The following GALNT13 variants were observed in gnomAD, a reference collection of about 807,000 sequenced individuals.
The protein encoded by GALNT13 is UDP-GalNAc:polypeptide N-acetylgalactosaminyltransferase 13.
Under a neutral mutation model 64.2 loss-of-function variants are expected in GALNT13, and 28 were observed. That is an observed-to-expected ratio of 0.44 (90% CI 0.32 to 0.60). The LOEUF (loss-of-function observed/expected upper bound fraction) is 0.60, where lower values mean the gene tolerates loss of function less well. Ranked by LOEUF, GALNT13 falls within the 20% of genes least tolerant of loss-of-function variation. The pLI, the probability that GALNT13 is intolerant of heterozygous loss-of-function variation, is 0.05. For missense variants in GALNT13, 577 were observed against 669.8 expected (o/e 0.86, Z 1.53); for synonymous variants, 214 against 224.6 (o/e 0.95, Z 0.42).
chr2:154,130,929 C>A (rs1682574901), intron 3 of GALNT13, among the ~76,000 whole-genome samples: 1 of 152,074 alleles, frequency 6.6e-6, no homozygotes, highest in Non-Finnish European at 1.5e-5. Flanking sequence ...CTCAAAACAT[C>A]TGGCAGCCAG....
At chr2:153,203,448 G>C in the GALNT13 span, among the ~76,000 whole-genome samples, 3 of 152,198 alleles carry the variant, frequency 2.0e-5, no homozygotes, top group Non-Finnish European at 2.9e-5. Flanking sequence ...GAACTAGGAT[G>C]AGGGCATTCC....
intron 3 of GALNT13, among the ~76,000 whole-genome samples, chr2:154,135,614 T>G (rs1682905048): frequency 6.6e-6 from 1 of 152,204 alleles, no homozygotes; most frequent in Non-Finnish European, 1.5e-5. Flanking sequence ...CTATTTTTGT[T>G]TCTAAGAGAA....
chr2:154,298,418 A>T (rs1397696214), intron 8 of GALNT13, among the ~76,000 whole-genome samples: 17 of 129,586 alleles, frequency 1.3e-4, no homozygotes, highest in South Asian at 2.3e-4. Flanking sequence ...TTATATATAA[A>T]TATATATGAA....
intron 3 of GALNT13, among the ~76,000 whole-genome samples, chr2:153,947,021 C>T (rs1241893201): frequency 6.6e-6 from 1 of 151,974 alleles, no homozygotes; most frequent in Non-Finnish European, 1.5e-5. Flanking sequence ...AAAGATCCTT[C>T]TGGACCTGTG....
intron 8 of GALNT13, among the ~76,000 whole-genome samples, chr2:154,282,507 C>T (rs1444802557): frequency 6.6e-6 from 1 of 152,070 alleles, no homozygotes; most frequent in African/African-American, 2.4e-5. Context: ...TAATCTAAAT[C>T]ATAAATATAT....
the GALNT13 span, among the ~76,000 whole-genome samples, chr2:153,402,332 CCG>C: frequency 6.6e-6 from 1 of 151,426 alleles, no homozygotes; most frequent in Non-Finnish European, 1.5e-5. Flanking sequence ...TGAGGGTAAC[CCG>C]ACCTTTCTCT....
At chr2:153,790,887 G>A in the GALNT13 span, among the ~76,000 whole-genome samples, 1 of 152,042 alleles carries the variant, frequency 6.6e-6, no homozygotes, top group Admixed American at 6.6e-5. Context: ...TAGGAATACA[G>A]CTAACTATGG....
chr2:153,858,788 T>G, the GALNT13 span, among the ~76,000 whole-genome samples: 1 of 152,074 alleles, frequency 6.6e-6, no homozygotes, highest in Non-Finnish European at 1.5e-5. Context: ...GCTGGAGTAC[T>G]GTGGCCTGAT....
chr2:153,175,461 G>A, the GALNT13 span, among the ~76,000 whole-genome samples: 1 of 152,128 alleles, frequency 6.6e-6, no homozygotes, highest in African/African-American at 2.4e-5. Flanking sequence ...GTTAAGTAGG[G>A]ACAGATTAAT....
At chr2:153,713,493 C>CT in the GALNT13 span, among the ~76,000 whole-genome samples, 24 of 151,978 alleles carry the variant, frequency 1.6e-4, no homozygotes, top group African/African-American at 5.1e-4. Flanking sequence ...GAGACCATGT[C>CT]TTTTTTTTGT....
At chr2:153,536,968 G>C in the GALNT13 span, among the ~76,000 whole-genome samples, 1 of 152,204 alleles carries the variant, frequency 6.6e-6, no homozygotes, top group South Asian at 2.1e-4. Context: ...TGTACATTTA[G>C]TTAAAAGCTA....
At chr2:153,362,038 C>A in the GALNT13 span, among the ~76,000 whole-genome samples, 1 of 152,154 alleles carries the variant, frequency 6.6e-6, no homozygotes, top group Non-Finnish European at 1.5e-5. Context: ...AGAAACCGTA[C>A]AAGCCAGAAG....
the GALNT13 span, among the ~76,000 whole-genome samples, chr2:153,682,300 C>T: frequency 1.1e-4 from 17 of 151,688 alleles, no homozygotes; most frequent in Admixed American, 8.6e-4. Context: ...ATTTCGATTA[C>T]CCAGACGTCT....
At position 154,426,231 on chromosome 2, in the gene GALNT13, G is replaced by A. The variant is rs114139009; in HGVS notation, c.1396-12361G>A. ...CTTTGTTGTCTGGCTCTCTGCCAGG[G>A]TTGCGCTCTGCCAGCAGCTAGAGGC... is the stretch of plus-strand genomic sequence containing the variant. On this transcript the variant is annotated intron_variant, in intron 11 of 12. Coordinates refer to ENST00000392825, the MANE Select transcript of GALNT13 (RefSeq NM_052917.4). 7.6e-3 allele frequency among the ~76,000 whole-genome samples: 1,156 copies of A among 152,284 alleles called. 19 individuals carry two copies. The highest frequency in any genetic ancestry group is 0.026 in the African/African-American group (1,077 of 41,552).
At chr2:154,297,933 A>G (rs573476774) in intron 8 of GALNT13, among the ~76,000 whole-genome samples, 6 of 152,284 alleles carry the variant, frequency 3.9e-5, no homozygotes, top group Admixed American at 2.6e-4. Context: ...TGAATCAACA[A>G]ACCAAGTTTG....
chr2:153,722,277 A>T, the GALNT13 span, among the ~76,000 whole-genome samples: 1 of 147,180 alleles, frequency 6.8e-6, no homozygotes, highest in African/African-American at 2.6e-5. Flanking sequence ...AAGACACAAC[A>T]TACCAGAATC....
the GALNT13 span, among the ~76,000 whole-genome samples, chr2:153,722,618 G>A: frequency 2.0e-5 from 3 of 151,674 alleles, no homozygotes; most frequent in East Asian, 1.9e-4. Flanking sequence ...ATGATAAAGG[G>A]GATATCACCA....
chr2:154,393,309 C>T (rs1350667125), intron 9 of GALNT13, among the ~76,000 whole-genome samples: 1 of 152,170 alleles, frequency 6.6e-6, no homozygotes, highest in Non-Finnish European at 1.5e-5. Context: ...GATACAAGTC[C>T]TCCTCAGTCC....
At chr2:153,072,146 A>G in the GALNT13 span, among the ~76,000 whole-genome samples, 1 of 152,344 alleles carries the variant, frequency 6.6e-6, no homozygotes, top group East Asian at 1.9e-4. Flanking sequence ...CCAAAACAAA[A>G]TAATAAATAA....
Sources: allele counts gnomAD v4.1 joint callset (sites outside exome capture counted in the v4.1 genomes callset), GRCh38; gene constraint gnomAD v4.1.1; transcripts MANE v1.5; gene names NCBI Gene and HGNC (gene_info 2026-07-23, HGNC 2026-07-21).